The following RRM2 variants were observed in gnomAD, a reference collection of about 807,000 sequenced individuals.
RRM2 encodes the protein ribonucleoside-diphosphate reductase subunit M2.
In RRM2, 6 loss-of-function variants were observed where a neutral mutation model predicts 45.9. The observed-to-expected ratio is 0.13, with a 90% CI of 0.07 to 0.26. RRM2 has a LOEUF of 0.26. RRM2 is among the 10% of genes least tolerant of loss of function. The probability of loss-of-function intolerance (pLI) is 1.00; values close to 1 mark genes in which losing one functional copy is unlikely to be tolerated. For synonymous variants in RRM2, 177 were observed against 173.0 expected, an observed-to-expected ratio of 1.02 and a Z score of -0.18; for missense variants, 343 against 489.5, an observed-to-expected ratio of 0.70 and a Z score of 2.82.
In RRM2 at chr2:10,129,020, A is replaced by G; in HGVS notation, c.904-21A>G. On this transcript the variant is annotated intron_variant, in intron 8 of 9. Coordinates refer to ENST00000304567, the MANE Select transcript of RRM2 (RefSeq NM_001034.4). The surrounding 1 kb of genome is among the most constrained non-coding windows in gnomAD (Gnocchi z 4.8). ...ATGCCTGTGCTTTAGTTGTATTCAG[A>G]AGCTGTATTTTGGTTCCTAGGAGTT... 7 of 1,612,128 alleles carry G rather than the reference A, an allele frequency of 4.3e-6. No individual in the cohort carries two copies. The highest frequency in any genetic ancestry group is 5.9e-6 in the Non-Finnish European group (7 of 1,178,200).
intron 3 of RRM2, among the ~76,000 whole-genome samples, chr2:10,144,223 G>A (rs924763702): frequency 4.6e-5 from 7 of 152,208 alleles, no homozygotes; most frequent in Admixed American, 2.0e-4. Context: ...TTTTGAGGAC[G>A]GGGAGTGGGA....
intron 3 of RRM2, among the ~76,000 whole-genome samples, chr2:10,183,597 C>T (rs982597088): frequency 3.3e-5 from 5 of 152,204 alleles, no homozygotes; most frequent in Admixed American, 3.3e-4. Context: ...TGCCTGTAAT[C>T]CCAGCATTTT....
chr2:10,190,185 ATGG>A (rs756703549), intron 3 of RRM2, among the ~76,000 whole-genome samples: 18 of 134,920 alleles, frequency 1.3e-4, no homozygotes, highest in African/African-American at 2.5e-4. Context: ...GATGGTTATG[ATGG>A]TGGTGGTGGT....
At chr2:10,142,509 G>A in intron 3 of RRM2, 1 of 906,620 alleles carries the variant, frequency 1.1e-6, no homozygotes, top group Non-Finnish European at 1.6e-6. Flanking sequence ...GGAAATCCAG[G>A]TACTGCCAGC....
intron 3 of RRM2, among the ~76,000 whole-genome samples, chr2:10,170,495 C>T (rs1264630926): frequency 1.3e-5 from 2 of 152,044 alleles, no homozygotes; most frequent in African/African-American, 4.8e-5. Context: ...GTAATGTCAG[C>T]TTTGTTTTCC....
At chr2:10,182,941 G>A (rs1664090797) in intron 3 of RRM2, among the ~76,000 whole-genome samples, 1 of 152,220 alleles carries the variant, frequency 6.6e-6, no homozygotes, top group Non-Finnish European at 1.5e-5. Context: ...ACTTTGAGAG[G>A]CCGAGGTGGG....
In RRM2 at chr2:10,162,309, CA is replaced by C. The variant is rs1192231520; in HGVS notation, n.482+19935del. Reference sequence around the variant, plus strand: ...TTCTCTCAGTCAATCAAAACGCTGCCACAGCAGGCTTTGGGATGCGGCGTCT... The same window carrying C: ...TTCTCTCAGTCAATCAAAACGCTGCCCAGCAGGCTTTGGGATGCGGCGTCT... On this transcript the variant is annotated intron_variant and non_coding_transcript_variant, in intron 3 of 3. Transcript: ENST00000381786. 6.6e-5 allele frequency among the ~76,000 whole-genome samples: 10 copies of C among 152,176 alleles called. No individual in the cohort carries two copies. In the East Asian group the frequency reaches 1.9e-3, roughly 29 times the overall value.
chr2:10,136,736 G>A (rs1252310053), upstream of RRM2, among the ~76,000 whole-genome samples: 3 of 152,210 alleles, frequency 2.0e-5, no homozygotes, highest in African/African-American at 7.2e-5. Context: ...TTGCACCACT[G>A]CACTCTAGCC....
intron 3 of RRM2, among the ~76,000 whole-genome samples, chr2:10,146,434 G>A (rs1194183422): frequency 6.6e-6 from 1 of 152,218 alleles, no homozygotes; most frequent in Non-Finnish European, 1.5e-5. Context: ...AGGGTGGGGC[G>A]CCTCTGCTCT....
chr2:10,161,152 G>T (rs567063666), intron 3 of RRM2, among the ~76,000 whole-genome samples: 1 of 152,202 alleles, frequency 6.6e-6, no homozygotes, highest in South Asian at 2.1e-4. Flanking sequence ...CAACCTCCCA[G>T]ACTCAAGCAA....
chr2:10,139,440 T>C (rs1227918296), upstream of RRM2, among the ~76,000 whole-genome samples: 1 of 152,250 alleles, frequency 6.6e-6, no homozygotes, highest in East Asian at 1.9e-4. Context: ...TTTAGGCCAC[T>C]TGGCATTAAA....
intron 3 of RRM2, among the ~76,000 whole-genome samples, chr2:10,164,931 C>G (rs1663648531): frequency 6.6e-6 from 1 of 152,202 alleles, no homozygotes; most frequent in Non-Finnish European, 1.5e-5. Flanking sequence ...GCTGGCTTTA[C>G]CCTTTGCTGC....
At chr2:10,165,585 C>G (rs13390502) in intron 3 of RRM2, among the ~76,000 whole-genome samples, 1 of 152,196 alleles carries the variant, frequency 6.6e-6, no homozygotes, top group Non-Finnish European at 1.5e-5. Flanking sequence ...GTAAAGTTTA[C>G]GGGAAATAAC....
Position 10,190,827 on chromosome 2 carries a change from G to A in RRM2, n.483-19484G>A, listed in dbSNP as rs1021589176. On this transcript the variant is annotated intron_variant and non_coding_transcript_variant, in intron 3 of 3. Coordinates refer to the RRM2 transcript ENST00000381786. ...GGTGGTGATGAGTGTGATGATAATG[G>A]TGGTGATGATGGTGATGGCAGAGAT... Among the ~76,000 whole-genome samples the A allele has an allele frequency of 6.6e-5, 10 of 151,714 alleles. No homozygotes were observed. In the South Asian group the frequency reaches 1.0e-3, roughly 16 times the overall value.
At chr2:10,138,416 C>G (rs1192242853), upstream of RRM2, among the ~76,000 whole-genome samples, 1 of 152,018 alleles carries the variant, frequency 6.6e-6, no homozygotes, top group Non-Finnish European at 1.5e-5. Flanking sequence ...ATCCGCCTGC[C>G]TTGGCCTCCC....
intron 3 of RRM2, among the ~76,000 whole-genome samples, chr2:10,166,631 G>A (rs569494708): frequency 9.8e-5 from 15 of 152,362 alleles, no homozygotes; most frequent in East Asian, 1.9e-4. Context: ...GCCCGTCTGC[G>A]ATGCGTAGCT....
chr2:10,123,248 C>A, intron 2 of RRM2, 139 bp from the exon 3 acceptor site: 1 of 1,299,804 alleles, frequency 7.7e-7, no homozygotes, highest in Non-Finnish European at 1.0e-6. Flanking sequence ...CTGCTGCGAC[C>A]CACGGAGTGC....
chr2:10,135,582 A>G (rs775493614), downstream of RRM2, among the ~76,000 whole-genome samples: 1 of 152,122 alleles, frequency 6.6e-6, no homozygotes, highest in Non-Finnish European at 1.5e-5. Flanking sequence ...TGCAGCAGAG[A>G]ACAAGTCAAT....
chr2:10,124,670 G>C, intron 4 of RRM2, 47 bp from the exon 5 acceptor site: 1 of 1,609,568 alleles, frequency 6.2e-7, no homozygotes, highest in Non-Finnish European at 8.5e-7. Context: ...GACAGTTGCT[G>C]CTGTTGGTTT....
Sources: allele counts gnomAD v4.1 joint callset (sites outside exome capture counted in the v4.1 genomes callset), GRCh38; gene constraint gnomAD v4.1.1; non-coding constraint Gnocchi (gnomAD v3.1); transcripts MANE v1.5; gene names NCBI Gene and HGNC (gene_info 2026-07-23, HGNC 2026-07-21).